Variants in SDK1 observed in about 807,000 individuals in gnomAD.
SDK1 encodes sidekick cell adhesion molecule 1.
In SDK1, 157 loss-of-function variants were observed where a neutral mutation model predicts 245.5. The observed-to-expected ratio is 0.64, with a 90% confidence interval of 0.56 to 0.73. The LOEUF (loss-of-function observed/expected upper bound fraction) is 0.73, where lower values mean the gene tolerates loss of function less well. Among genes scored for constraint, SDK1 ranks in the 30% least tolerant of loss-of-function variants. The pLI is 0.00. For synonymous variants in SDK1, 1,647 were observed against 1,278.5 expected, an observed-to-expected ratio of 1.29 and a Z score of -6.15; for missense variants, 3,583 against 3,002.3, an observed-to-expected ratio of 1.19 and a Z score of -4.52.
chr7:3,387,742 C>T (rs181826868), intron 1 of SDK1, among the ~76,000 whole-genome samples: 2 of 152,220 alleles, frequency 1.3e-5, no homozygotes, highest in African/African-American at 4.8e-5. Context: ...CTGTCTATTA[C>T]CACAATAAAA....
rs111596095 is a variant in SDK1 at position 3,986,895 on chromosome 7, T to A, written c.1995-291T>A. Among the ~76,000 whole-genome samples the A allele has an allele frequency of 8.7e-3, 1,320 of 152,246 alleles. 10 individuals carry two copies. Among genetic ancestry groups the A allele is most frequent in the Non-Finnish European group, 0.013 (904 of 68,018 alleles). ...GAAAATAATAATGTATGTGTAAACGTCTGCGTCCCCTCCCCCTATTTATGT... is the reference window on the plus strand; with the variant it reads ...GAAAATAATAATGTATGTGTAAACGACTGCGTCCCCTCCCCCTATTTATGT... On this transcript the variant is annotated intron_variant, in intron 13 of 44. Transcript: ENST00000404826.
At chr7:3,823,470 G>A (rs1779696556) in intron 5 of SDK1, among the ~76,000 whole-genome samples, 2 of 152,150 alleles carry the variant, frequency 1.3e-5, no homozygotes, top group African/African-American at 4.8e-5. Flanking sequence ...CCTAGTACTT[G>A]CCTACCTCCC....
At chr7:3,859,817 CAT>C (rs1369560651) in intron 5 of SDK1, among the ~76,000 whole-genome samples, 2 of 152,118 alleles carry the variant, frequency 1.3e-5, no homozygotes, top group Non-Finnish European at 2.9e-5. Context: ...ATAGGTGAAA[CAT>C]ATACATGCAA....
chr7:4,203,561 G>T (rs954231282), intron 35 of SDK1, among the ~76,000 whole-genome samples: 1 of 151,358 alleles, frequency 6.6e-6, no homozygotes. Flanking sequence ...AAGCTGGTAT[G>T]TATGTCATCC....
At chr7:3,651,049 A>T (rs991040269) in intron 4 of SDK1, among the ~76,000 whole-genome samples, 8 of 151,922 alleles carry the variant, frequency 5.3e-5, no homozygotes, top group African/African-American at 1.7e-4. Context: ...GTGCATGAAC[A>T]TAAGACTTCA....
At chr7:3,344,902 CAA>C (rs1410495451) in intron 1 of SDK1, among the ~76,000 whole-genome samples, 3 of 152,148 alleles carry the variant, frequency 2.0e-5, no homozygotes, top group Non-Finnish European at 4.4e-5. Context: ...ACAGTAATAA[CAA>C]GAGATGCTTC....
At chr7:4,101,456 G>A (rs1171870025) in intron 22 of SDK1, among the ~76,000 whole-genome samples, 2 of 152,130 alleles carry the variant, frequency 1.3e-5, no homozygotes, top group African/African-American at 2.4e-5. Context: ...GGAAAAATTT[G>A]CATTTTTTAA....
At chr7:3,518,118 A>G (rs1393632931) in intron 1 of SDK1, among the ~76,000 whole-genome samples, 1 of 152,156 alleles carries the variant, frequency 6.6e-6, no homozygotes, top group African/African-American at 2.4e-5. Context: ...CCCCTAGAAG[A>G]TAAGATGAGC....
rs956669231 is a variant in SDK1 at position 3,545,080 on chromosome 7, A to G, written c.299-74000A>G. Among the ~76,000 whole-genome samples the G allele has an allele frequency of 1.1e-4, 17 of 152,150 alleles. 1 individual carries two copies. The highest frequency in any genetic ancestry group is 4.1e-4 in the African/African-American group (17 of 41,418). On this transcript the variant is annotated intron_variant, in intron 1 of 44. Coordinates refer to ENST00000404826, the MANE Select transcript of SDK1 (RefSeq NM_152744.4). ...CAGGACTGGGAGGAGAGCTGGTGCT[A>G]TGTGGTGGGCGGCAGTATTGGCACC...
rs181194086 is a variant in SDK1 at position 3,563,178 on chromosome 7, C to T, written c.299-55902C>T. Among the ~76,000 whole-genome samples the T allele has an allele frequency of 2.9e-4, 44 of 150,962 alleles. No homozygotes were observed. The East Asian group carries it at 6.0e-3, about 21-fold the overall frequency. On this transcript the variant is annotated intron_variant, in intron 1 of 44. Coordinates refer to ENST00000404826, the MANE Select transcript of SDK1 (RefSeq NM_152744.4). ...CAGAAGAAAATTGGATCTAGCCAATCAAAAATAGGAAAGGGGAAGTGGGAT... is the reference window on the plus strand; with the variant it reads ...CAGAAGAAAATTGGATCTAGCCAATTAAAAATAGGAAAGGGGAAGTGGGAT...
intron 22 of SDK1, among the ~76,000 whole-genome samples, chr7:4,088,945 G>A (rs1781603720): frequency 6.6e-6 from 1 of 151,066 alleles, no homozygotes; most frequent in Non-Finnish European, 1.5e-5. Context: ...ACCCTTGTGG[G>A]CATCTGCACA....
At chr7:4,044,579 G>A (rs1788878954) in intron 17 of SDK1, among the ~76,000 whole-genome samples, 1 of 152,080 alleles carries the variant, frequency 6.6e-6, no homozygotes, top group Non-Finnish European at 1.5e-5. Context: ...AAGTAGCTAG[G>A]ACTACAGGTG....
At chr7:3,624,443 C>T (rs539176083) in intron 2 of SDK1, among the ~76,000 whole-genome samples, 1 of 152,196 alleles carries the variant, frequency 6.6e-6, no homozygotes, top group Non-Finnish European at 1.5e-5. Context: ...AAGTGATCTG[C>T]CAGCCTTGAC....
intron 40 of SDK1, 36 bp downstream of exon 40, chr7:4,221,400 C>T (rs749515473): frequency 1.3e-6 from 2 of 1,568,642 alleles, no homozygotes; most frequent in Non-Finnish European, 8.6e-7. Flanking sequence ...GGTCTCAGCC[C>T]AGCGGACGGC....
rs566685518 is a variant in SDK1, at chr7:3,780,404, G to A, written c.714-41046G>A. ...GGGTCAGGTAGAAACAAAGAAAGGAGGCAGAGGTCATGGTTACCAGCACAT... is the reference window on the plus strand; with the variant it reads ...GGGTCAGGTAGAAACAAAGAAAGGAAGCAGAGGTCATGGTTACCAGCACAT... On this transcript the variant is annotated intron_variant, in intron 4 of 44. Transcript: ENST00000404826. Among the ~76,000 whole-genome samples, 356 of 152,342 alleles carry A rather than the reference G, an allele frequency of 2.3e-3. 1 individual carries two copies. Among genetic ancestry groups the A allele is most frequent in the African/African-American group, 8.2e-3 (339 of 41,572 alleles).
intron 1 of SDK1, among the ~76,000 whole-genome samples, chr7:3,412,456 T>C (rs1779236370): frequency 6.6e-6 from 1 of 152,226 alleles, no homozygotes; most frequent in African/African-American, 2.4e-5. Context: ...CAGCTCCTGC[T>C]TTTTTTGTTA....
chr7:4,084,571 C>T lies in SDK1; in HGVS notation c.3324+4987C>T, dbSNP rs1057461354. ...CGCTCCCAGCTGGTCCCTGCTTCGA[C>T]ACCTTCCCAGTAGACAGAACATATT... On this transcript the variant is annotated intron_variant, in intron 22 of 44. Coordinates refer to ENST00000404826, the MANE Select transcript of SDK1 (RefSeq NM_152744.4). Among the ~76,000 whole-genome samples the T allele has an allele frequency of 9.9e-5, 15 of 152,278 alleles. 1 individual carries two copies. Among genetic ancestry groups the T allele is most frequent in the African/African-American group, 3.4e-4 (14 of 41,540 alleles).
chr7:3,956,747 A>G lies in SDK1; in HGVS notation c.1151-2184A>G, dbSNP rs562285374. Among the ~76,000 whole-genome samples, 253 of 152,304 alleles carry G rather than the reference A, an allele frequency of 1.7e-3. 1 individual carries two copies. The highest frequency in any genetic ancestry group is 5.9e-3 in the African/African-American group (247 of 41,570). On this transcript the variant is annotated intron_variant, in intron 7 of 44. Coordinates refer to ENST00000404826, the MANE Select transcript of SDK1 (RefSeq NM_152744.4). Reference sequence around the variant, plus strand: ...GTGGCATGCTGTGTGCCAAACACAGATGGTCCCTGGCTAGGGTGGAGAGAG... The same window carrying G: ...GTGGCATGCTGTGTGCCAAACACAGGTGGTCCCTGGCTAGGGTGGAGAGAG...
intron 17 of SDK1, among the ~76,000 whole-genome samples, chr7:4,019,515 C>T (rs1786697088): frequency 1.3e-5 from 2 of 152,010 alleles, no homozygotes; most frequent in Admixed American, 6.5e-5. Context: ...GGGGAAATTA[C>T]TAAATTATGC....
Sources: allele counts gnomAD v4.1 joint callset (sites outside exome capture counted in the v4.1 genomes callset), GRCh38; gene constraint gnomAD v4.1.1; transcripts MANE v1.5; gene names NCBI Gene and HGNC (gene_info 2026-07-23, HGNC 2026-07-21).